Variants in EHBP1 observed in about 807,000 individuals in gnomAD.
EHBP1 encodes EH domain binding protein 1, also known as EH domain-binding protein 1.
EHBP1 carries 55 observed loss-of-function variants against 144.0 expected under a neutral mutation model. The ratio of observed to expected loss-of-function variants is 0.38; its 90% CI spans 0.31 to 0.48. The LOEUF is 0.48. Among genes scored for constraint, EHBP1 ranks in the 20% least tolerant of loss-of-function variants. The pLI, the probability that EHBP1 is intolerant of heterozygous loss-of-function variation, is 0.98. For synonymous variants in EHBP1, 469 were observed against 472.7 expected (o/e 0.99, Z 0.10); for missense variants, 1,200 against 1,364.2 (o/e 0.88, Z 1.90).
chr2:62,688,336 T>A (rs777922004), intron 1 of EHBP1, among the ~76,000 whole-genome samples: 41 of 152,162 alleles, frequency 2.7e-4, no homozygotes, highest in Non-Finnish European at 5.4e-4. Flanking sequence ...GGACATTTAT[T>A]TTATTTTATT....
At chr2:62,782,552 G>A (rs905864020) in intron 5 of EHBP1, among the ~76,000 whole-genome samples, 1 of 152,116 alleles carries the variant, frequency 6.6e-6, no homozygotes, top group African/African-American at 2.4e-5. Context: ...GTATGGCTGG[G>A]GAGGCCTCAG....
chr2:62,953,650 A>G (rs915163132), intron 13 of EHBP1, among the ~76,000 whole-genome samples: 1 of 152,092 alleles, frequency 6.6e-6, no homozygotes, highest in Admixed American at 6.5e-5. Context: ...AAAAAAAAGC[A>G]TGATTCTACA....
At chr2:62,994,049 T>C (rs990546138) in intron 18 of EHBP1, 72 bp downstream of exon 18, 1 of 1,075,256 alleles carries the variant, frequency 9.3e-7, no homozygotes, top group Non-Finnish European at 1.3e-6. Context: ...GTGCCTTTAT[T>C]TGTTAAAATG....
intron 5 of EHBP1, among the ~76,000 whole-genome samples, chr2:62,782,311 A>C (rs1251709488): frequency 6.6e-6 from 1 of 152,244 alleles, no homozygotes; most frequent in Non-Finnish European, 1.5e-5. Flanking sequence ...GAGATAGACC[A>C]GTTAATATGG....
At chr2:62,698,918 C>T (rs193069852) in intron 1 of EHBP1, among the ~76,000 whole-genome samples, 73 of 152,356 alleles carry the variant, frequency 4.8e-4, no homozygotes, top group Admixed American at 2.1e-3. Context: ...AGCAACAGGG[C>T]TACTTTCCCT....
At chr2:63,031,310 A>G (rs1197193778) in intron 19 of EHBP1, among the ~76,000 whole-genome samples, 1 of 152,148 alleles carries the variant, frequency 6.6e-6, no homozygotes, top group African/African-American at 2.4e-5. Flanking sequence ...GGAGGCATCC[A>G]TCTGTAAGGG....
intron 5 of EHBP1, among the ~76,000 whole-genome samples, chr2:62,787,810 A>G (rs1285434585): frequency 2.0e-5 from 3 of 152,204 alleles, no homozygotes; most frequent in African/African-American, 4.8e-5. Context: ...GAATTATTTG[A>G]GCTATAGATT....
At chr2:62,958,708 A>G (rs1459530896) in intron 14 of EHBP1, among the ~76,000 whole-genome samples, 1 of 152,238 alleles carries the variant, frequency 6.6e-6, no homozygotes, top group Non-Finnish European at 1.5e-5. Context: ...TTAAATTATT[A>G]CAAGCAAAAG....
At chr2:62,691,370 G>A (rs1244298079) in intron 1 of EHBP1, among the ~76,000 whole-genome samples, 3 of 152,116 alleles carry the variant, frequency 2.0e-5, no homozygotes, top group Non-Finnish European at 4.4e-5. Flanking sequence ...CAACCCATCT[G>A]TATCCCGTCA....
chr2:62,893,651 A>T (rs1448222550), intron 10 of EHBP1, among the ~76,000 whole-genome samples: 3 of 152,224 alleles, frequency 2.0e-5, no homozygotes, highest in Non-Finnish European at 4.4e-5. Context: ...AATGAAGCAG[A>T]AAAATATTGA....
intron 10 of EHBP1, among the ~76,000 whole-genome samples, chr2:62,919,514 T>C (rs2054898321): frequency 6.6e-6 from 1 of 152,102 alleles, no homozygotes; most frequent in African/African-American, 2.4e-5. Context: ...CACAAACAAA[T>C]AACAGGTGGG....
intron 7 of EHBP1, among the ~76,000 whole-genome samples, chr2:62,841,880 C>A (rs1486852799): frequency 6.6e-6 from 1 of 152,018 alleles, no homozygotes; most frequent in Non-Finnish European, 1.5e-5. Context: ...GCTTGGGCTG[C>A]TGTAACAAAA....
intron 1 of EHBP1, among the ~76,000 whole-genome samples, chr2:62,698,651 G>A (rs1393433564): frequency 2.6e-5 from 4 of 152,084 alleles, no homozygotes; most frequent in East Asian, 1.9e-4. Flanking sequence ...AATATCCAGC[G>A]GCTCTCACAA....
At chr2:62,854,032 C>T (rs1044635925) in intron 7 of EHBP1, among the ~76,000 whole-genome samples, 26 of 152,108 alleles carry the variant, frequency 1.7e-4, no homozygotes, top group South Asian at 2.1e-4. Flanking sequence ...TTTTTAAGGG[C>T]CCTAGGATTT....
intron 5 of EHBP1, among the ~76,000 whole-genome samples, chr2:62,779,506 G>T (rs1190415592): frequency 6.6e-6 from 1 of 152,124 alleles, no homozygotes; most frequent in Non-Finnish European, 1.5e-5. Context: ...GAAAATTCAT[G>T]TGCTTATGGC....
At chr2:62,772,304 A>T (rs2041731778) in intron 5 of EHBP1, among the ~76,000 whole-genome samples, 2 of 152,148 alleles carry the variant, frequency 1.3e-5, no homozygotes, top group South Asian at 4.1e-4. Flanking sequence ...CTTAATAATC[A>T]TCTTAAGTTA....
chr2:62,976,681 C>A (rs141514731), intron 14 of EHBP1, among the ~76,000 whole-genome samples: 73 of 152,212 alleles, frequency 4.8e-4, no homozygotes, highest in Non-Finnish European at 7.6e-4. Flanking sequence ...GGTACCTCTT[C>A]AAATGCTTTC....
At chr2:62,964,235 C>T (rs1266308902) in intron 14 of EHBP1, among the ~76,000 whole-genome samples, 1 of 151,838 alleles carries the variant, frequency 6.6e-6, no homozygotes, top group East Asian at 1.9e-4. Flanking sequence ...GGCCACGAAC[C>T]CCTAGCCTCA....
chr2:62,754,951 C>G (rs2040133329), intron 3 of EHBP1, among the ~76,000 whole-genome samples: 1 of 152,202 alleles, frequency 6.6e-6, no homozygotes, highest in African/African-American at 2.4e-5. Context: ...GAGGCAATGC[C>G]TTGCCCTGCT....
Sources: gnomAD v4.1 joint callset for allele counts (sites outside exome capture counted in the v4.1 genomes callset) on GRCh38, gnomAD v4.1.1 for gene constraint, MANE v1.5 for transcripts, NCBI Gene and HGNC (gene_info 2026-07-23, HGNC 2026-07-21) for gene names.